AGBL1: variants seen among roughly 807,000 people sequenced by gnomAD.
The protein encoded by AGBL1 is cytosolic carboxypeptidase 4.
Under a neutral mutation model 118.9 loss-of-function variants are expected in AGBL1, and 130 were observed. That is an observed-to-expected ratio of 1.09 (90% CI 0.95 to 1.26). The LOEUF is 1.26. Ranked by LOEUF, AGBL1 falls within the 50% of genes most tolerant of loss-of-function variation. The pLI is 0.00. For missense variants in AGBL1, 1,584 were observed against 1,298.1 expected, an observed-to-expected ratio of 1.22 and a Z score of -3.38; for synonymous variants, 555 against 478.9, an observed-to-expected ratio of 1.16 and a Z score of -2.08.
At chr15:86,277,178 G>A (rs1256441730) in intron 15 of AGBL1, among the ~76,000 whole-genome samples, 2 of 148,528 alleles carry the variant, frequency 1.3e-5, no homozygotes, top group Non-Finnish European at 3.0e-5. Flanking sequence ...TTCCAGCAGT[G>A]TGCAACCATC....
chr15:86,118,473 C>CAAA (rs55759602), intron 1 of AGBL1, among the ~76,000 whole-genome samples: 1 of 145,316 alleles, frequency 6.9e-6, no homozygotes. Context: ...AATTACACTT[C>CAAA]AAAAAAAAAA....
chr15:86,569,445 A>C (rs186649716), intron 21 of AGBL1, among the ~76,000 whole-genome samples: 2 of 152,080 alleles, frequency 1.3e-5, no homozygotes, highest in Non-Finnish European at 2.9e-5. Context: ...CCGGATGCTA[A>C]TCTATCATTT....
intron 24 of AGBL1, among the ~76,000 whole-genome samples, chr15:87,019,070 G>T (rs1392987231): frequency 6.6e-6 from 1 of 151,830 alleles, no homozygotes; most frequent in Non-Finnish European, 1.5e-5. Flanking sequence ...ACAAGAACTA[G>T]CTATCCTAAA....
intron 18 of AGBL1, among the ~76,000 whole-genome samples, chr15:86,481,778 C>T (rs768526193): frequency 6.6e-6 from 1 of 152,092 alleles, no homozygotes; most frequent in African/African-American, 2.4e-5. Context: ...TAGAACTAGA[C>T]AGAACTTTGG....
rs1452330980 is a variant in AGBL1 at position 86,405,142 on chromosome 15, TG to T, written c.2555+7597del. 2.0e-5 allele frequency among the ~76,000 whole-genome samples: 3 copies of T among 152,334 alleles called. No individual in the cohort carries two copies. In the East Asian group the frequency reaches 5.8e-4, roughly 29 times the overall value. On this transcript the variant is annotated intron_variant, in intron 18 of 22. Coordinates refer to ENST00000614907, the MANE Select transcript of AGBL1 (RefSeq NM_001386094.1). ...TTAATTTTTTTGAGTAGTTATCTTT[TG>T]CTATATAATTGACTATCTAAGTGTT...
At chr15:86,268,021 G>A (rs1347860979) in intron 13 of AGBL1, among the ~76,000 whole-genome samples, 1 of 152,178 alleles carries the variant, frequency 6.6e-6, no homozygotes, top group Admixed American at 6.5e-5. Flanking sequence ...GGGATTTCAT[G>A]AGAGCTAAGT....
chr15:86,829,803 G>A (rs373750937), intron 22 of AGBL1, among the ~76,000 whole-genome samples: 1 of 151,982 alleles, frequency 6.6e-6, no homozygotes, highest in Non-Finnish European at 1.5e-5. Context: ...ATTAAATTTT[G>A]TTACTATTTA....
At position 86,319,743 on chromosome 15, in the gene AGBL1, G is replaced by GTTTTTTTTTT. The variant is rs139831044; in HGVS notation, c.2374+24362_2374+24371dup. Among the ~76,000 whole-genome samples, 38 of 47,254 alleles carry GTTTTTTTTTT rather than the reference G, an allele frequency of 8.0e-4. 9 individuals carry two copies. The highest frequency in any genetic ancestry group is 9.3e-4 in the Non-Finnish European group (26 of 27,908). 31.0% of individuals were successfully genotyped at this position (47,254 alleles called of 152,430 possible). A position where few individuals can be genotyped will look rare whatever the true frequency, so the allele number is the denominator to read the frequency against. On this transcript the variant is annotated intron_variant, in intron 17 of 22. Transcript: ENST00000614907. ...TGTACTTTGTTTTGCCTCTTTGGTA[G>GTTTTTTTTTT]TTTTTTTTTTTTTTTTTTTTTTTTT...
chr15:86,341,308 T>A (rs12916544), intron 17 of AGBL1, among the ~76,000 whole-genome samples: 1 of 151,930 alleles, frequency 6.6e-6, no homozygotes, highest in Non-Finnish European at 1.5e-5. Context: ...TTTATGGGGG[T>A]CTTTTTGTTT....
chr15:86,175,213 A>C (rs2077467044), intron 5 of AGBL1, among the ~76,000 whole-genome samples: 1 of 151,766 alleles, frequency 6.6e-6, no homozygotes, highest in African/African-American at 2.4e-5. Context: ...TTCTGTTCAG[A>C]TTTCCTATTT....
chr15:86,835,876 C>T (rs187313186), intron 22 of AGBL1, among the ~76,000 whole-genome samples: 38 of 152,210 alleles, frequency 2.5e-4, no homozygotes, highest in African/African-American at 8.2e-4. Flanking sequence ...CATGTATGTA[C>T]GATCCATTGG....
At chr15:86,629,911 G>C (rs2084939350) in intron 21 of AGBL1, among the ~76,000 whole-genome samples, 1 of 152,198 alleles carries the variant, frequency 6.6e-6, no homozygotes, top group South Asian at 2.1e-4. Flanking sequence ...TTACCCTTCT[G>C]TTATAACTCT....
chr15:86,195,479 G>A (rs2077787394), intron 5 of AGBL1, among the ~76,000 whole-genome samples: 1 of 152,048 alleles, frequency 6.6e-6, no homozygotes, highest in Non-Finnish European at 1.5e-5. Flanking sequence ...ATCAGATTCA[G>A]GGAATAAAAA....
chr15:86,346,597 C>T (rs192960166), intron 17 of AGBL1, among the ~76,000 whole-genome samples: 2 of 151,318 alleles, frequency 1.3e-5, no homozygotes, highest in Admixed American at 6.6e-5. Context: ...GATCCTACCA[C>T]CTCGGCCTCC....
chr15:86,841,014 T>C (rs1005670984), intron 22 of AGBL1, among the ~76,000 whole-genome samples: 3 of 152,174 alleles, frequency 2.0e-5, no homozygotes, highest in Admixed American at 2.0e-4. Flanking sequence ...CAAGATTACT[T>C]TTTTTCAGTA....
intron 17 of AGBL1, among the ~76,000 whole-genome samples, chr15:86,324,624 A>G (rs1161988863): frequency 6.6e-6 from 1 of 152,222 alleles, no homozygotes; most frequent in African/African-American, 2.4e-5. Context: ...TTTCACACTA[A>G]TGGGAGACAG....
Position 86,113,258 on chromosome 15 carries a change from T to G in AGBL1, c.52-28746T>G, listed in dbSNP as rs1435237320. ...TTTTCTTTTCTTTTCTTTTCTTTTC[T>G]TTCTTTCTTTCTTTCTTTTTCTTTC... is the stretch of plus-strand genomic sequence containing the variant. On this transcript the variant is annotated intron_variant, in intron 1 of 22. Transcript: ENST00000614907. 6.6e-4 allele frequency among the ~76,000 whole-genome samples: 27 copies of G among 40,824 alleles called. No homozygotes were observed. The East Asian group carries it at 9.8e-3, about 15-fold the overall frequency. The allele number at this position is 40,824 out of a possible 152,430, so 26.8% of individuals were successfully genotyped here.
chr15:86,536,878 C>T (rs1337025590), intron 19 of AGBL1, among the ~76,000 whole-genome samples: 1 of 152,102 alleles, frequency 6.6e-6, no homozygotes, highest in Non-Finnish European at 1.5e-5. Flanking sequence ...TCCGTGAAGG[C>T]CAGAAGTGAA....
intron 23 of AGBL1, among the ~76,000 whole-genome samples, chr15:86,921,771 C>A (rs2141620535): frequency 6.6e-6 from 1 of 152,248 alleles, no homozygotes; most frequent in East Asian, 1.9e-4. Flanking sequence ...TGTGGCATGT[C>A]CACCTCTTCT....
Sources: gnomAD v4.1 joint callset for allele counts (sites outside exome capture counted in the v4.1 genomes callset) on GRCh38, gnomAD v4.1.1 for gene constraint, MANE v1.5 for transcripts, NCBI Gene and HGNC (gene_info 2026-07-23, HGNC 2026-07-21) for gene names.